HSPD1: variants seen among roughly 807,000 people sequenced by gnomAD.
The protein encoded by HSPD1 is 60 kDa heat shock protein, mitochondrial.
HSPD1 carries 3 observed loss-of-function variants against 53.0 expected under a neutral mutation model. The ratio of observed to expected loss-of-function variants is 0.06; its 90% CI spans 0.03 to 0.15. The LOEUF is 0.15. Ranked by LOEUF, HSPD1 falls within the 10% of genes least tolerant of loss-of-function variation. The probability of loss-of-function intolerance (pLI) is 1.00; values close to 1 mark genes in which losing one functional copy is unlikely to be tolerated. For synonymous variants in HSPD1, 200 were observed against 228.0 expected, an observed-to-expected ratio of 0.88 and a Z score of 1.10; for missense variants, 431 against 694.1, an observed-to-expected ratio of 0.62 and a Z score of 4.26.
chr2:197,493,289 A>G lies in HSPD1; in HGVS notation c.869+35T>C, dbSNP rs377700255. On this transcript the variant is annotated intron_variant, in intron 7 of 11. Transcript: ENST00000388968. ...ATACAAATAATTCTGTCTTTCACCG[A>G]GAAATATAAATCAACAAATACCACT... 5.1e-6 allele frequency: 8 copies of G among 1,573,118 alleles called. No individual in the cohort carries two copies. In the African/African-American group the frequency reaches 1.1e-4, roughly 21 times the overall value.
chr2:197,488,022 T>C lies in HSPD1; in HGVS notation c.1405A>G (p.Lys469Glu), dbSNP rs1391007733. The C allele has an allele frequency of 2.5e-6, 4 of 1,603,814 alleles. No individual in the cohort carries two copies. Among genetic ancestry groups the C allele is most frequent in the Non-Finnish European group, 3.4e-6 (4 of 1,172,514 alleles). Reference protein sequence around the residue: ...EDQKIGIEIIKRTLKIPAMTI... With the variant: ...EDQKIGIEIIERTLKIPAMTI... ...ATTGCTGGAATTTTGAGTGTTCTTT[T>C]AATAATTTCTATACCTACAGAGAAA... is the stretch of plus-strand genomic sequence containing the variant. The change falls in exon 11 of 12, where the codon AAA (lysine) becomes GAA (glutamate). Residue 469 changes from lysine to glutamate, a missense_variant. Coordinates refer to ENST00000388968, the MANE Select transcript of HSPD1 (RefSeq NM_002156.5).
intron 3 of HSPD1, chr2:197,496,924 AC>A (rs2086165423): frequency 1.7e-6 from 1 of 577,574 alleles, no homozygotes; most frequent in Non-Finnish European, 3.1e-6. Context: ...AACAAAAGAA[AC>A]CAACTAAGTA....
chr2:197,494,034 G>A (rs1574600792), intron 6 of HSPD1, 123 bp downstream of exon 6: 4 of 608,812 alleles, frequency 6.6e-6, no homozygotes, highest in East Asian at 2.9e-5. Context: ...CCCGGAAGGC[G>A]GAGGTTGCAG....
Position 197,492,119 on chromosome 2 carries a change from C to T in HSPD1, c.869+1205G>A, listed in dbSNP as rs547938196. ...CTGCAGTGAGCTATGATCGTGCCGCCGCAGGCCAGCCTGGGTGACAGAGTC... is the reference window on the plus strand; with the variant it reads ...CTGCAGTGAGCTATGATCGTGCCGCTGCAGGCCAGCCTGGGTGACAGAGTC... On this transcript the variant is annotated intron_variant, in intron 7 of 11. Coordinates refer to ENST00000388968, the MANE Select transcript of HSPD1 (RefSeq NM_002156.5). 1.5e-3 allele frequency among the ~76,000 whole-genome samples: 232 copies of T among 152,248 alleles called. 1 individual carries two copies. Among genetic ancestry groups the T allele is most frequent in the African/African-American group, 5.5e-3 (227 of 41,560 alleles).
rs2086193694 is a variant in HSPD1, at chr2:197,498,706, G to A, written c.143C>T (p.Ala48Val). 1 of 1,614,054 alleles carries A rather than the reference G, an allele frequency of 6.2e-7. No homozygotes were observed. The highest frequency in any genetic ancestry group is 8.5e-7 in the Non-Finnish European group (1 of 1,180,000). Reference protein sequence around the residue: ...ALMLQGVDLLADAVAVTMGPK... With the variant: ...ALMLQGVDLLVDAVAVTMGPK... ...CCCCATTGTAACGGCCACAGCATCG[G>A]CTAAAAGGTCTACACCTTGAAGCAT... The change falls in exon 2 of 12, where the codon GCC becomes GTC. Residue 48 changes from alanine to valine, a missense_variant. Around this residue, in one of 2 missense-constraint regions of HSPD1, gnomAD observed 386 missense variants for 657.6 expected, o/e 0.59. Coordinates refer to ENST00000388968, the MANE Select transcript of HSPD1 (RefSeq NM_002156.5).
At chr2:197,495,224 CA>C in intron 4 of HSPD1, 69 bp downstream of exon 4, 1 of 839,334 alleles carries the variant, frequency 1.2e-6, no homozygotes, top group Non-Finnish European at 2.1e-6. Flanking sequence ...TTGGTGTGAT[CA>C]AGGGAAAAAA....
Position 197,490,423 on chromosome 2 carries a change from G to GT in HSPD1, c.870-128dup, listed in dbSNP as rs376444325. 13,420 of 544,682 alleles carry GT rather than the reference G, an allele frequency of 0.025. 99 individuals carry two copies. The highest frequency in any genetic ancestry group is 0.075 in the African/African-American group (3,648 of 48,802). The allele number at this position is 544,682 out of a possible 1,614,324, so 33.7% of individuals were successfully genotyped here. Reference sequence around the variant, plus strand: ...TCTGGTTTGGTTTTTGTGTTTTTTTGTTTTTTTTTTGCTTCCTAGCAATTT... The same window carrying GT: ...TCTGGTTTGGTTTTTGTGTTTTTTTGTTTTTTTTTTTGCTTCCTAGCAATTT... On this transcript the variant is annotated intron_variant, in intron 7 of 11. Transcript: ENST00000388968.
chr2:197,492,944 T>C (rs892325113), intron 7 of HSPD1, among the ~76,000 whole-genome samples: 2 of 149,878 alleles, frequency 1.3e-5, no homozygotes, highest in South Asian at 2.1e-4. Context: ...GAGATGGAGA[T>C]TGCAGTGAGC....
intron 7 of HSPD1, chr2:197,490,705 C>T: frequency 1.2e-5 from 3 of 246,228 alleles, no homozygotes; most frequent in East Asian, 2.1e-4. Flanking sequence ...TAGCAGGCAC[C>T]TGTAATCCCC....
intron 7 of HSPD1, chr2:197,490,606 G>A: frequency 3.0e-6 from 1 of 335,628 alleles, no homozygotes; most frequent in Non-Finnish European, 5.7e-6. Flanking sequence ...CCAGGCAGGT[G>A]GATCACGAGG....
rs747360903 is a variant in HSPD1, at chr2:197,497,303, A to G, written c.264T>C (p.Asp88=). 2.5e-6 allele frequency: 4 copies of G among 1,613,686 alleles called. No homozygotes were observed. The highest frequency in any genetic ancestry group is 2.7e-5 in the African/African-American group (2 of 75,032). ...VTVAKSIDLK[D]KYKNIGAKLV... is the part of the protein sequence containing the mutation. The stretch of plus-strand genomic sequence containing the variant: ...GTTTAGCTCCAATGTTTTTGTATTT[A>G]TCTTTTAAGTCAATTGACTTTGCAA... The change falls in exon 3 of 12, where the codon GAT becomes GAC. Residue 88 remains aspartate (D), a synonymous_variant. Coordinates refer to ENST00000388968, the MANE Select transcript of HSPD1 (RefSeq NM_002156.5).
intron 6 of HSPD1, 131 bp from the exon 7 acceptor site, chr2:197,493,623 A>G (rs1375507391): frequency 1.4e-6 from 1 of 701,732 alleles, no homozygotes; most frequent in Non-Finnish European, 2.5e-6. Flanking sequence ...CATTTCTCAT[A>G]TGCATTAACT....
chr2:197,499,899 C>G (rs2086223156), upstream of HSPD1: 1 of 153,808 alleles, frequency 6.5e-6, no homozygotes. Flanking sequence ...CCTCTACTCC[C>G]GCCCCGCGGC....
In HSPD1 at chr2:197,486,988, C is replaced by T; in HGVS notation, c.*58G>A. 3 of 1,055,500 alleles carry T rather than the reference C, an allele frequency of 2.8e-6. No homozygotes were observed. In the South Asian group the frequency reaches 3.8e-5, roughly 13 times the overall value. The allele number at this position is 1,055,500 out of a possible 1,614,324, so 65.4% of individuals were successfully genotyped here. A position where few individuals can be genotyped will look rare whatever the true frequency, so the allele number is the denominator to read the frequency against. ...CTTCTCTGAAGTTATTGGTGAGGAACACTGCCTTGGGCTTCCTGTCACAGT... is the reference window on the plus strand; with the variant it reads ...CTTCTCTGAAGTTATTGGTGAGGAATACTGCCTTGGGCTTCCTGTCACAGT... On this transcript the variant is annotated 3_prime_UTR_variant, in exon 12 of 12. Transcript: ENST00000388968.
Position 197,486,928 on chromosome 2 carries a change from T to G in HSPD1, c.*118A>C, listed in dbSNP as rs2086032971. On this transcript the variant is annotated 3_prime_UTR_variant, in exon 12 of 12. Transcript: ENST00000388968. The stretch of plus-strand genomic sequence containing the variant: ...CCAGTAACTGATGGTTATAGTGATT[T>G]TCAGCCAGCCTTTTTCTTCATTTTC... 1 of 919,812 alleles carries G rather than the reference T, an allele frequency of 1.1e-6. No individual in the cohort carries two copies. Among genetic ancestry groups the G allele is most frequent in the Non-Finnish European group, 1.8e-6 (1 of 553,198 alleles). 57.0% of individuals were successfully genotyped at this position (919,812 alleles called of 1,614,324 possible).
At chr2:197,493,073 A>T (rs776988418) in intron 7 of HSPD1, among the ~76,000 whole-genome samples, 2 of 152,202 alleles carry the variant, frequency 1.3e-5, no homozygotes, top group African/African-American at 4.8e-5. Flanking sequence ...CAAAATACAG[A>T]AAGGTACCCA....
intron 3 of HSPD1, 96 bp from the exon 4 acceptor site, chr2:197,495,472 T>C (rs903752553): frequency 1.1e-6 from 1 of 921,142 alleles, no homozygotes; most frequent in South Asian, 1.5e-5. Flanking sequence ...TTTTAATGCC[T>C]TAACTTAAAA....
chr2:197,492,790 T>C (rs940855524), intron 7 of HSPD1, among the ~76,000 whole-genome samples: 14 of 151,704 alleles, frequency 9.2e-5, no homozygotes, highest in Admixed American at 3.3e-4. Flanking sequence ...GGCGGGCGGA[T>C]CACGAGGTCA....
At chr2:197,497,610 C>T in intron 2 of HSPD1, 1 of 585,002 alleles carries the variant, frequency 1.7e-6, no homozygotes, top group Non-Finnish European at 3.0e-6. Flanking sequence ...TAATTTTGAA[C>T]TAGGTAATTT....
Sources: gnomAD v4.1 joint callset for allele counts (sites outside exome capture counted in the v4.1 genomes callset) on GRCh38, gnomAD v4.1.1 for gene constraint, gnomAD v4.1.1 regional missense constraint, MANE v1.5 for transcripts, NCBI Gene and HGNC (gene_info 2026-07-23, HGNC 2026-07-21) for gene names.